The following ALKBH2 variants were observed in gnomAD, a reference collection of about 807,000 sequenced individuals.
ALKBH2 encodes DNA oxidative demethylase ALKBH2.
In ALKBH2, 19 loss-of-function variants were observed where a neutral mutation model predicts 19.7. The ratio of observed to expected loss-of-function variants is 0.97; its 90% confidence interval spans 0.67 to 1.42. The LOEUF (loss-of-function observed/expected upper bound fraction) is 1.42. Among genes scored for constraint, ALKBH2 ranks in the 40% most tolerant of loss-of-function variants. The pLI is 0.00. For synonymous variants in ALKBH2, 135 were observed against 131.2 expected (o/e 1.03, Z -0.20); for missense variants, 310 against 328.5 (o/e 0.94, Z 0.43).
chr12:109,089,439 T>C (rs1398253659), intron 3 of ALKBH2, among the ~76,000 whole-genome samples: 3 of 152,162 alleles, frequency 2.0e-5, no homozygotes, highest in African/African-American at 7.2e-5. Context: ...ATCTAGTGGA[T>C]GGAGGCCAGG....
intron 2 of ALKBH2, among the ~76,000 whole-genome samples, chr12:109,091,430 C>T (rs766544203): frequency 6.6e-6 from 1 of 152,210 alleles, no homozygotes; most frequent in South Asian, 2.1e-4. Context: ...ACTATGTTGC[C>T]CAGGCTGGAC....
At chr12:109,092,247 C>G in intron 2 of ALKBH2, 1 of 409,070 alleles carries the variant, frequency 2.4e-6, no homozygotes, top group Non-Finnish European at 4.1e-6. Context: ...CCAGAAGATA[C>G]TCATCAGTAG....
At chr12:109,090,268 C>G (rs907400633) in intron 2 of ALKBH2, 61 bp from the exon 3 acceptor site, 9 of 1,478,326 alleles carry the variant, frequency 6.1e-6, no homozygotes, top group East Asian at 2.3e-5. Context: ...ATCCAGATGC[C>G]CCCCCCAACC....
At position 109,092,621 on chromosome 12, in the gene ALKBH2, T is replaced by A; in HGVS notation, c.166A>T (p.Ser56Cys). Residue 56 changes from serine (S) to cysteine (C), a missense_variant, in exon 2 of 4, where the codon AGC becomes TGC. By Grantham distance (112) the Ser-to-Cys change is moderately radical (BLOSUM62 -1). Coordinates refer to ENST00000429722, the MANE Select transcript of ALKBH2 (RefSeq NM_001145374.2). ...CCCTCAGCCCGAATGTGCCGCCAGC[T>A]AGGGCCTGCTGAGTGGCCTCCATTC... ...PGNGGHSAGP[S>C]WRHIRAEGLD... The A allele has an allele frequency of 1.2e-6, 2 of 1,614,196 alleles. No individual in the cohort carries two copies. Among genetic ancestry groups the A allele is most frequent in the South Asian group, 1.1e-5 (1 of 91,092 alleles).
rs1324416748 is a variant in ALKBH2 at position 109,088,325 on chromosome 12, A to G, written c.667T>C (p.Leu223=). 1.2e-6 allele frequency: 2 copies of G among 1,614,018 alleles called. No individual in the cohort carries two copies. The highest frequency in any genetic ancestry group is 2.7e-5 in the African/African-American group (2 of 74,896). Residue 223 remains leucine, a synonymous_variant, in exon 4 of 4, where the codon TTA becomes CTA. Coordinates refer to ENST00000429722, the MANE Select transcript of ALKBH2 (RefSeq NM_001145374.2). This position sits in a 1 kb window ranked among gnomAD's most constrained non-coding sequence, Gnocchi z 4.2. ...VVRLPLAHGS[L]LMMNHPTNTH... ...TTGGTCGGGTGGTTCATCATTAGTA[A>G]GCTCCCGTGGGCCAGCGGCAGCCTG...
intron 2 of ALKBH2, 69 bp from the exon 3 acceptor site, chr12:109,090,276 A>C: frequency 1.7e-5 from 24 of 1,375,008 alleles, no homozygotes; most frequent in South Asian, 3.6e-5. Context: ...GCCCCCCCCA[A>C]CCCGCACTGC....
intron 2 of ALKBH2, among the ~76,000 whole-genome samples, chr12:109,090,840 A>G (rs2042050299): frequency 6.6e-6 from 1 of 152,222 alleles, no homozygotes; most frequent in African/African-American, 2.4e-5. Flanking sequence ...GCACCAAGCC[A>G]ACTGCCCCAA....
In ALKBH2 at chr12:109,090,142, C is replaced by T; in HGVS notation, c.346G>A (p.Gly116Ser). 1 of 1,614,082 alleles carries T rather than the reference C, an allele frequency of 6.2e-7. No individual in the cohort carries two copies. Among genetic ancestry groups the T allele is most frequent in the Non-Finnish European group, 8.5e-7 (1 of 1,180,010 alleles). Reference sequence around the variant, plus strand: ...AATGTGTAGGTCAGCCCAGCGTCGCCATACGTTGCCTGCTTCCTGGGCACA... The same window carrying T: ...AATGTGTAGGTCAGCCCAGCGTCGCTATACGTTGCCTGCTTCCTGGGCACA... The part of the protein sequence containing the change: ...HSVPRKQATY[G>S]DAGLTYTFSG... The change falls in exon 3 of 4, where the codon GGC becomes AGC. Residue 116 changes from glycine (G) to serine (S), a missense_variant. Coordinates refer to ENST00000429722, the MANE Select transcript of ALKBH2 (RefSeq NM_001145374.2).
At position 109,092,797 on chromosome 12, in the gene ALKBH2, C is replaced by G. The variant is rs779085105; in HGVS notation, c.-11G>C. The stretch of plus-strand genomic sequence containing the variant: ...CAGGAATCTGTCCATCCTGTCCCCA[C>G]AGGAAAGAAGGGACGTCAGTGGCGA... On this transcript the variant is annotated 5_prime_UTR_variant, in exon 2 of 4. Transcript: ENST00000429722. 1 of 1,604,004 alleles carries G rather than the reference C, an allele frequency of 6.2e-7. No individual in the cohort carries two copies. The highest frequency in any genetic ancestry group is 2.2e-5 in the East Asian group (1 of 44,836).
chr12:109,092,772 C>A lies in ALKBH2; in HGVS notation c.15G>T (p.Leu5=). MDRF[L]VKGAQGGLLR... is the part of the protein sequence containing the mutation. ...AAAGGCCCCCTTGAGCCCCTTTCAC[C>A]AGGAATCTGTCCATCCTGTCCCCAC... Residue 5 remains leucine (L), a synonymous_variant, in exon 2 of 4, where the codon CTG becomes CTT. Transcript: ENST00000429722. 1 of 1,613,054 alleles carries A rather than the reference C, an allele frequency of 6.2e-7. No homozygotes were observed. The highest frequency in any genetic ancestry group is 8.5e-7 in the Non-Finnish European group (1 of 1,179,430).
chr12:109,092,491 A>ACC lies in ALKBH2; in HGVS notation c.280+15_280+16insGG, dbSNP rs1555264103. On this transcript the variant is annotated intron_variant, in intron 2 of 3. Coordinates refer to ENST00000429722, the MANE Select transcript of ALKBH2 (RefSeq NM_001145374.2). ...CCTCAATGCACACACACACACACAC[A>ACC]CACCCCTCTGCTTACCTGTAAAATA... 2.6e-6 allele frequency: 4 copies of ACC among 1,549,974 alleles called. No homozygotes were observed. The highest frequency in any genetic ancestry group is 1.7e-6 in the Non-Finnish European group (2 of 1,147,302).
At position 109,088,333 on chromosome 12, in the gene ALKBH2, TG is replaced by T; in HGVS notation, c.658del (p.His220ThrfsTer5). 1 of 1,614,188 alleles carries T rather than the reference TG, an allele frequency of 6.2e-7. No homozygotes were observed. Among genetic ancestry groups the T allele is most frequent in the Non-Finnish European group, 8.5e-7 (1 of 1,180,026 alleles). Reference protein sequence around the residue: ...RVAVVRLPLAHGSLLMMNHPT... With the variant: ...RVAVVRLPLAXGSLLMMNHPT... ...GTGGTTCATCATTAGTAAGCTCCCG[TG>T]GGCCAGCGGCAGCCTGACCACCGCC... On this transcript the variant is annotated frameshift_variant, in exon 4 of 4. Transcript: ENST00000429722. LOFTEE classifies it high-confidence loss of function. This position sits in a 1 kb window ranked among gnomAD's most constrained non-coding sequence, Gnocchi z 4.2.
chr12:109,091,450 T>C (rs1197706240), intron 2 of ALKBH2, among the ~76,000 whole-genome samples: 1 of 152,070 alleles, frequency 6.6e-6, no homozygotes, highest in African/African-American at 2.4e-5. Flanking sequence ...CTTGAACTCC[T>C]GGCCTCAAGT....
At chr12:109,091,204 G>A (rs2042055125) in intron 2 of ALKBH2, among the ~76,000 whole-genome samples, 1 of 152,160 alleles carries the variant, frequency 6.6e-6, no homozygotes, top group Non-Finnish European at 1.5e-5. Flanking sequence ...AACAGCCTGG[G>A]TAACACAGTG....
Position 109,092,544 on chromosome 12 carries a change from A to G in ALKBH2, c.243T>C (p.Ile81=). The change falls in exon 2 of 4, where the codon ATT becomes ATC. Residue 81 remains isoleucine (I), a synonymous_variant. Transcript: ENST00000429722. ...VLFGKAEADE[I]FQELEKEVEY... ...CTACTTCTTTCTCCAACTCTTGGAA[A>G]ATCTCATCTGCCTCAGCTTTGCCAA... 6.2e-7 allele frequency: 1 copy of G among 1,600,854 alleles called. No individual in the cohort carries two copies. The highest frequency in any genetic ancestry group is 8.5e-7 in the Non-Finnish European group (1 of 1,172,102).
Position 109,090,215 on chromosome 12 carries a change from G to A in ALKBH2, c.281-8C>T, listed in dbSNP as rs752265485. 6.2e-7 allele frequency: 1 copy of A among 1,612,028 alleles called. No individual in the cohort carries two copies. The highest frequency in any genetic ancestry group is 1.1e-5 in the South Asian group (1 of 91,060). Reference sequence around the variant, plus strand: ...GGACTCTGGCCAGTGCTCCTGTGCAGAGGAAACATGGCAGTTCCTTTCTAC... The same window carrying A: ...GGACTCTGGCCAGTGCTCCTGTGCAAAGGAAACATGGCAGTTCCTTTCTAC... On this transcript the variant is annotated splice_region_variant and splice_polypyrimidine_tract_variant and intron_variant, in intron 2 of 3. Transcript: ENST00000429722.
rs756782651 is a variant in ALKBH2, at chr12:109,088,200, A to ATGTT, written c.*2_*5dup. 6.3e-7 allele frequency: 1 copy of ATGTT among 1,587,662 alleles called. No individual in the cohort carries two copies. Among genetic ancestry groups the ATGTT allele is most frequent in the Non-Finnish European group, 8.6e-7 (1 of 1,166,766 alleles). Reference sequence around the variant, plus strand: ...AGAGAAAAGAGAAAAACTGTTAAAAATGTTTTTATTTTTTAGTAAGCAAAA... The same window carrying ATGTT: ...AGAGAAAAGAGAAAAACTGTTAAAAATGTTTGTTTTTATTTTTTAGTAAGCAAAA... On this transcript the variant is annotated 3_prime_UTR_variant, in exon 4 of 4. Coordinates refer to ENST00000429722, the MANE Select transcript of ALKBH2 (RefSeq NM_001145374.2). This position sits in a 1 kb window ranked among gnomAD's most constrained non-coding sequence, Gnocchi z 4.2.
intron 2 of ALKBH2, 72 bp from the exon 3 acceptor site, chr12:109,090,279 C>T (rs1031964271): frequency 2.7e-5 from 38 of 1,382,644 alleles, no homozygotes; most frequent in Non-Finnish European, 3.5e-5. Flanking sequence ...CCCCCCAACC[C>T]GCACTGCCAT....
chr12:109,092,488 C>CAA lies in ALKBH2; in HGVS notation c.280+18_280+19insTT. 2 of 1,548,844 alleles carry CAA rather than the reference C, an allele frequency of 1.3e-6. No homozygotes were observed. Among genetic ancestry groups the CAA allele is most frequent in the East Asian group, 2.3e-5 (1 of 44,290 alleles). On this transcript the variant is annotated intron_variant, in intron 2 of 3. Transcript: ENST00000429722. ...AGCCCTCAATGCACACACACACACA[C>CAA]ACACACCCCTCTGCTTACCTGTAAA...
Sources: gnomAD v4.1 joint callset for allele counts (sites outside exome capture counted in the v4.1 genomes callset) on GRCh38, gnomAD v4.1.1 for gene constraint, Gnocchi (gnomAD v3.1) non-coding constraint, MANE v1.5 for transcripts, NCBI Gene and HGNC (gene_info 2026-07-23, HGNC 2026-07-21) for gene names.